The following SUGCT variants were observed in gnomAD, a reference collection of about 807,000 sequenced individuals.
SUGCT encodes the protein succinyl-CoA:glutarate CoA-transferase.
SUGCT carries 41 observed loss-of-function variants against 55.0 expected under a neutral mutation model. The observed-to-expected ratio is 0.74, with a 90% CI of 0.58 to 0.97. The LOEUF is 0.97. Among genes scored for constraint, SUGCT ranks in the 50% least tolerant of loss-of-function variants. SUGCT has a pLI of 0.00. For synonymous variants in SUGCT, 187 were observed against 200.4 expected, an observed-to-expected ratio of 0.93 and a Z score of 0.56; for missense variants, 568 against 547.8, an observed-to-expected ratio of 1.04 and a Z score of -0.37.
At chr7:40,441,705 G>A (rs1283753459) in intron 9 of SUGCT, among the ~76,000 whole-genome samples, 1 of 152,176 alleles carries the variant, frequency 6.6e-6, no homozygotes, top group African/African-American at 2.4e-5. Context: ...AGTAGAGAAA[G>A]AGTTTAATAA....
chr7:40,814,336 A>T (rs1398440339), intron 13 of SUGCT, among the ~76,000 whole-genome samples: 4 of 152,154 alleles, frequency 2.6e-5, no homozygotes, highest in Admixed American at 6.5e-5. Context: ...CAGGAATGCC[A>T]ATCATTTGTA....
chr7:40,393,677 A>T (rs1785565253), intron 9 of SUGCT, among the ~76,000 whole-genome samples: 1 of 152,144 alleles, frequency 6.6e-6, no homozygotes, highest in Non-Finnish European at 1.5e-5. Context: ...GTCCCCAGTG[A>T]GTCCGAAGTC....
In SUGCT at chr7:40,181,002, T is replaced by A. The variant is rs375965592; in HGVS notation, c.152+4T>A. ...TAAAAATTCTGGATCTAACAAGGTTTGTATTGGTTTATCTACATTTTGGTG... is the reference window on the plus strand; with the variant it reads ...TAAAAATTCTGGATCTAACAAGGTTAGTATTGGTTTATCTACATTTTGGTG... On this transcript the variant is annotated splice_donor_region_variant and intron_variant, in intron 2 of 13. Transcript: ENST00000335693. 12 of 1,602,404 alleles carry A rather than the reference T, an allele frequency of 7.5e-6. No homozygotes were observed. Among genetic ancestry groups the A allele is most frequent in the Non-Finnish European group, 1.0e-5 (12 of 1,170,198 alleles).
At chr7:40,915,827 C>T in the SUGCT span, among the ~76,000 whole-genome samples, 1 of 152,186 alleles carries the variant, frequency 6.6e-6, no homozygotes, top group Non-Finnish European at 1.5e-5. Flanking sequence ...GAATTTGATA[C>T]ATGCATTGAA....
intron 12 of SUGCT, among the ~76,000 whole-genome samples, chr7:40,625,897 A>G (rs539315063): frequency 6.6e-6 from 1 of 152,302 alleles, no homozygotes; most frequent in Non-Finnish European, 1.5e-5. Context: ...GATTTTAAAA[A>G]ATTAAGCAAT....
intron 6 of SUGCT, among the ~76,000 whole-genome samples, chr7:40,234,529 G>A (rs930957156): frequency 3.9e-5 from 6 of 152,192 alleles, no homozygotes; most frequent in African/African-American, 1.2e-4. Context: ...GACTGAGAAA[G>A]TAATAGTTAA....
chr7:40,733,915 G>A (rs1458607574), intron 12 of SUGCT, among the ~76,000 whole-genome samples: 1 of 152,200 alleles, frequency 6.6e-6, no homozygotes, highest in Non-Finnish European at 1.5e-5. Flanking sequence ...GAGTGATAAT[G>A]AGTCTTAAAC....
chr7:40,684,810 C>A (rs748120390), intron 12 of SUGCT, among the ~76,000 whole-genome samples: 3 of 151,998 alleles, frequency 2.0e-5, no homozygotes, highest in Non-Finnish European at 4.4e-5. Flanking sequence ...GGTTGAGACA[C>A]ATAGTGTTTT....
At position 40,719,300 on chromosome 7, in the gene SUGCT, C is replaced by T. The variant is rs186880252; in HGVS notation, c.1090-30134C>T. Among the ~76,000 whole-genome samples the T allele has an allele frequency of 3.3e-3, 508 of 152,318 alleles. 2 individuals carry two copies. Among genetic ancestry groups the T allele is most frequent in the African/African-American group, 0.011 (472 of 41,562 alleles). On this transcript the variant is annotated intron_variant, in intron 12 of 13. Transcript: ENST00000335693. ...ATCCTAATCTTTTTCACATTCTGTT[C>T]CAGGCTCTAATCATCTCTAATGTAT...
chr7:40,251,018 C>CG (rs1562614197), intron 7 of SUGCT, among the ~76,000 whole-genome samples: 1 of 151,648 alleles, frequency 6.6e-6, no homozygotes, highest in South Asian at 2.1e-4. Flanking sequence ...TTAGTGGAGA[C>CG]GGGGGTTTCA....
At chr7:40,828,473 C>A (rs1429456669) in intron 13 of SUGCT, among the ~76,000 whole-genome samples, 1 of 151,464 alleles carries the variant, frequency 6.6e-6, no homozygotes, top group Non-Finnish European at 1.5e-5. Flanking sequence ...GGAGAGCTGG[C>A]ATATTGGGGC....
the SUGCT span, among the ~76,000 whole-genome samples, chr7:40,933,258 G>T: frequency 1.3e-5 from 2 of 152,106 alleles, no homozygotes; most frequent in African/African-American, 4.8e-5. Flanking sequence ...TTGAATATTG[G>T]TCCCCACCCT....
chr7:40,319,447 A>C (rs1795610272), intron 9 of SUGCT, among the ~76,000 whole-genome samples: 1 of 152,140 alleles, frequency 6.6e-6, no homozygotes, highest in Admixed American at 6.5e-5. Flanking sequence ...TAATTACAGA[A>C]AACTTTGCAT....
At chr7:40,838,966 G>A (rs1793137548) in intron 13 of SUGCT, among the ~76,000 whole-genome samples, 1 of 138,614 alleles carries the variant, frequency 7.2e-6, no homozygotes, top group South Asian at 2.3e-4. Context: ...TTTTTCACAT[G>A]TAGGTGTTGT....
intron 1 of SUGCT, chr7:40,141,744 A>G: frequency 4.0e-6 from 1 of 249,814 alleles, no homozygotes; most frequent in Non-Finnish European, 8.4e-6. Context: ...GTCTGACTCC[A>G]GTAGCCCATG....
At chr7:40,405,318 A>C (rs1786297919) in intron 9 of SUGCT, among the ~76,000 whole-genome samples, 1 of 152,220 alleles carries the variant, frequency 6.6e-6, no homozygotes, top group Non-Finnish European at 1.5e-5. Context: ...AGGATATGTT[A>C]TATAAATATC....
At chr7:40,542,312 T>C (rs1794734498) in intron 12 of SUGCT, among the ~76,000 whole-genome samples, 1 of 152,112 alleles carries the variant, frequency 6.6e-6, no homozygotes, top group African/African-American at 2.4e-5. Context: ...GTAAATAACT[T>C]TTCAGCCACA....
At chr7:40,592,345 T>G (rs1797772137) in intron 12 of SUGCT, among the ~76,000 whole-genome samples, 1 of 152,166 alleles carries the variant, frequency 6.6e-6, no homozygotes, top group Non-Finnish European at 1.5e-5. Flanking sequence ...GCTCCTGGAT[T>G]TGCAGACCAT....
chr7:40,586,013 T>C (rs1797358358), intron 12 of SUGCT, among the ~76,000 whole-genome samples: 1 of 152,146 alleles, frequency 6.6e-6, no homozygotes, highest in South Asian at 2.1e-4. Flanking sequence ...TTATTTTTTT[T>C]CTTTTACCTG....
Sources: gnomAD v4.1 joint callset for allele counts (sites outside exome capture counted in the v4.1 genomes callset) on GRCh38, gnomAD v4.1.1 for gene constraint, MANE v1.5 for transcripts, NCBI Gene and HGNC (gene_info 2026-07-23, HGNC 2026-07-21) for gene names.